The following ASPSCR1 variants were observed in gnomAD, a reference collection of about 807,000 sequenced individuals.
The protein encoded by ASPSCR1 is ASPSCR1 tether for SLC2A4, UBX domain containing.
ASPSCR1 carries 55 observed loss-of-function variants against 68.9 expected under a neutral mutation model. The observed-to-expected ratio is 0.80, with a 90% CI of 0.64 to 1.00. The LOEUF (loss-of-function observed/expected upper bound fraction) is 1.00, where lower values mean the gene tolerates loss of function less well. Among genes scored for constraint, ASPSCR1 ranks in the 50% least tolerant of loss-of-function variants. The pLI, the probability that ASPSCR1 is intolerant of heterozygous loss-of-function variation, is 0.00. For missense variants in ASPSCR1, 765 were observed against 762.2 expected, an observed-to-expected ratio of 1.00 and a Z score of -0.04; for synonymous variants, 352 against 332.6, an observed-to-expected ratio of 1.06 and a Z score of -0.63.
intron 5 of ASPSCR1, 133 bp from the exon 6 acceptor site, chr17:81,995,859 G>C: frequency 1.2e-6 from 1 of 841,674 alleles, no homozygotes. Context: ...GGGGCCAGAT[G>C]TGGGGGGTGG....
chr17:81,982,454 T>C (rs1426089800), intron 2 of ASPSCR1, among the ~76,000 whole-genome samples: 1 of 152,246 alleles, frequency 6.6e-6, no homozygotes, highest in African/African-American at 2.4e-5. Context: ...GCCCCAGGCG[T>C]GAACAGTGCC....
At chr17:81,998,958 C>T (rs192865562) in intron 7 of ASPSCR1, among the ~76,000 whole-genome samples, 17 of 152,362 alleles carry the variant, frequency 1.1e-4, no homozygotes, top group Admixed American at 9.8e-4. Flanking sequence ...ACGCCTCCCC[C>T]CAACCGTGGG....
intron 3 of ASPSCR1, 65 bp from the exon 4 acceptor site, chr17:81,985,442 C>G (rs2041964977): frequency 1.3e-6 from 2 of 1,531,416 alleles, no homozygotes; most frequent in Non-Finnish European, 1.8e-6. Flanking sequence ...GAGAATCAGT[C>G]TGGGATTTAG....
chr17:82,016,623 C>T (rs963000312), intron 13 of ASPSCR1, 96 bp downstream of exon 13: 1 of 1,507,798 alleles, frequency 6.6e-7, no homozygotes, highest in Non-Finnish European at 9.0e-7. Flanking sequence ...TCTGGGGCCT[C>T]CTTTGGGTCT....
At position 81,986,444 on chromosome 17, in the gene ASPSCR1, T is replaced by A. The variant is rs1312414046; in HGVS notation, c.374+837T>A. ...ACTCTGTCTCAAAAAAATAAATAAA[T>A]AAAAATAAGTAATTGATGTGTATCA... is the stretch of plus-strand genomic sequence containing the variant. On this transcript the variant is annotated intron_variant, in intron 4 of 15. Coordinates refer to ENST00000306739, the MANE Select transcript of ASPSCR1 (RefSeq NM_024083.4). This position sits in a 1 kb window ranked among gnomAD's most constrained non-coding sequence, Gnocchi z 5.2. 6.6e-6 allele frequency among the ~76,000 whole-genome samples: 1 copy of A among 152,026 alleles called. No homozygotes were observed. Among genetic ancestry groups the A allele is most frequent in the Admixed American group, 6.6e-5 (1 of 15,254 alleles).
chr17:81,988,061 G>A (rs1370831981), intron 4 of ASPSCR1, among the ~76,000 whole-genome samples: 4 of 150,284 alleles, frequency 2.7e-5, no homozygotes, highest in Non-Finnish European at 5.9e-5. Context: ...AGGAGGCTGA[G>A]GCAGAAGAAT....
At chr17:82,011,680 C>T in intron 11 of ASPSCR1, 75 bp downstream of exon 11, 2 of 1,513,544 alleles carry the variant, frequency 1.3e-6, no homozygotes, top group Admixed American at 2.0e-5. Context: ...CCGCCCGTCC[C>T]AGCTGGGGCT....
At chr17:81,979,542 G>A (rs1455112472) in intron 2 of ASPSCR1, among the ~76,000 whole-genome samples, 1 of 152,144 alleles carries the variant, frequency 6.6e-6, no homozygotes, top group Middle Eastern at 3.2e-3. Flanking sequence ...GAAGACCCTT[G>A]TCATTGGATT....
At chr17:82,016,907 G>T (rs1043767002) in intron 14 of ASPSCR1, 34 bp from the exon 15 acceptor site, 14 of 1,611,880 alleles carry the variant, frequency 8.7e-6, no homozygotes, top group Middle Eastern at 1.7e-4. Context: ...TCCCGTGGCG[G>T]CACTCACCAC....
chr17:81,989,732 C>T (rs1003774589), intron 4 of ASPSCR1, among the ~76,000 whole-genome samples: 3 of 152,306 alleles, frequency 2.0e-5, no homozygotes, highest in African/African-American at 7.2e-5. Context: ...TAGCACGCAG[C>T]CCTGGCCCGA....
intron 7 of ASPSCR1, among the ~76,000 whole-genome samples, chr17:82,002,317 G>A (rs934476458): frequency 6.6e-6 from 1 of 150,526 alleles, no homozygotes; most frequent in African/African-American, 2.5e-5. Context: ...GGAGTACAAT[G>A]GCACGATCTC....
intron 7 of ASPSCR1, 87 bp downstream of exon 7, chr17:81,996,933 G>A (rs1417611083): frequency 1.3e-6 from 2 of 1,511,752 alleles, no homozygotes; most frequent in Non-Finnish European, 1.8e-6. Flanking sequence ...CAGCCTGGTG[G>A]CGTGGCCGTG....
chr17:82,002,909 A>G (rs1276379948), intron 7 of ASPSCR1, among the ~76,000 whole-genome samples: 2 of 139,354 alleles, frequency 1.4e-5, no homozygotes, highest in South Asian at 2.3e-4. Context: ...GGGTCTGTCT[A>G]TGTTGCCTAG....
In ASPSCR1 at chr17:81,993,754, C is replaced by T. The variant is rs142607745; in HGVS notation, c.375-1067C>T. 1.5e-3 allele frequency among the ~76,000 whole-genome samples: 227 copies of T among 152,382 alleles called. 1 individual carries two copies. Among genetic ancestry groups the T allele is most frequent in the African/African-American group, 5.3e-3 (220 of 41,596 alleles). On this transcript the variant is annotated intron_variant, in intron 4 of 15. Coordinates refer to ENST00000306739, the MANE Select transcript of ASPSCR1 (RefSeq NM_024083.4). The stretch of plus-strand genomic sequence containing the variant: ...AGGGTTGCTGCAAGCAGTTTCCAGC[C>T]CAGCTGTTACCTAATCTTTATCCCC...
chr17:82,005,602 A>G lies in ASPSCR1; in HGVS notation c.934-3435A>G, dbSNP rs1162698875. ...TGAGACCCAGGTTGGGGCCCCCTGC[A>G]CTGCTGAGGTTTGGGCCTCATTCCC... On this transcript the variant is annotated intron_variant, in intron 7 of 15. Coordinates refer to ENST00000306739, the MANE Select transcript of ASPSCR1 (RefSeq NM_024083.4). 6 of 152,076 alleles carry G rather than the reference A, an allele frequency of 3.9e-5. No individual in the cohort carries two copies. In the East Asian group the frequency reaches 1.2e-3, roughly 29 times the overall value. The allele number at this position is 152,076 out of a possible 1,614,324, so 9.4% of individuals were successfully genotyped here. A position where few individuals can be genotyped will look rare whatever the true frequency, so the allele number is the denominator to read the frequency against.
chr17:81,995,313 T>G, intron 5 of ASPSCR1: 38 of 294,298 alleles, frequency 1.3e-4, no homozygotes, highest in East Asian at 4.2e-4. Flanking sequence ...GGAGGGGCCC[T>G]GGGGGGCCAG....
At chr17:82,015,443 T>G in intron 12 of ASPSCR1, 3 of 1,458,660 alleles carry the variant, frequency 2.1e-6, no homozygotes, top group Non-Finnish European at 2.7e-6. Flanking sequence ...CCTACTTCCC[T>G]CTCCTGGTGT....
At chr17:82,003,935 A>G (rs536470631) in intron 7 of ASPSCR1, among the ~76,000 whole-genome samples, 5 of 152,258 alleles carry the variant, frequency 3.3e-5, no homozygotes, top group African/African-American at 7.2e-5. Context: ...GGGAAACTCC[A>G]CACTCCCTCT....
At chr17:81,980,914 C>G (rs1418601631) in intron 2 of ASPSCR1, among the ~76,000 whole-genome samples, 2 of 152,180 alleles carry the variant, frequency 1.3e-5, no homozygotes, top group African/African-American at 4.8e-5. Flanking sequence ...GCCTGTAATC[C>G]TAGCACTTTG....
Sources: allele counts gnomAD v4.1 joint callset (sites outside exome capture counted in the v4.1 genomes callset), GRCh38; gene constraint gnomAD v4.1.1; non-coding constraint Gnocchi (gnomAD v3.1); transcripts MANE v1.5; gene names NCBI Gene and HGNC (gene_info 2026-07-23, HGNC 2026-07-21).